KLHDC1: variants seen among roughly 807,000 people sequenced by gnomAD.
The protein encoded by KLHDC1 is kelch domain containing 1, also known as kelch domain-containing protein 1.
Under a neutral mutation model 68.3 loss-of-function variants are expected in KLHDC1, and 53 were observed. That is an observed-to-expected ratio of 0.78 (90% CI 0.62 to 0.98). KLHDC1 has a LOEUF of 0.98. Ranked by LOEUF, KLHDC1 falls within the 50% of genes least tolerant of loss-of-function variation. The pLI, the probability that KLHDC1 is intolerant of heterozygous loss-of-function variation, is 0.00. For synonymous variants in KLHDC1, 148 were observed against 159.0 expected (o/e 0.93, Z 0.52); for missense variants, 470 against 492.3 (o/e 0.95, Z 0.43).
chr14:49,735,013 TA>T (rs1323997856), intron 10 of KLHDC1, among the ~76,000 whole-genome samples: 1 of 152,086 alleles, frequency 6.6e-6, no homozygotes, highest in Non-Finnish European at 1.5e-5. Context: ...GGGTTGGCTT[TA>T]ATAGTAGTTA....
intron 4 of KLHDC1, among the ~76,000 whole-genome samples, chr14:49,717,579 C>T (rs771820956): frequency 3.9e-5 from 6 of 152,058 alleles, no homozygotes; most frequent in Admixed American, 6.6e-5. Context: ...TGTTACGTTA[C>T]GGTAGTACTT....
At position 49,719,286 on chromosome 14, in the gene KLHDC1, G is replaced by A. The variant is rs1026350522; in HGVS notation, c.405-4588G>A. Among the ~76,000 whole-genome samples the A allele has an allele frequency of 2.0e-5, 3 of 151,742 alleles. 1 individual carries two copies. Among genetic ancestry groups the A allele is most frequent in the South Asian group, 4.1e-4 (2 of 4,824 alleles). On this transcript the variant is annotated intron_variant, in intron 4 of 12. Coordinates refer to ENST00000359332, the MANE Select transcript of KLHDC1 (RefSeq NM_172193.3). ...CTGAGCCCTGCCTTCGCTGCATCTCGTAAGTTTTGTTATGTTTTTATTTTC... is the reference window on the plus strand; with the variant it reads ...CTGAGCCCTGCCTTCGCTGCATCTCATAAGTTTTGTTATGTTTTTATTTTC...
At chr14:49,693,334 C>T in intron 1 of KLHDC1, 44 bp downstream of exon 1, 1 of 1,319,914 alleles carries the variant, frequency 7.6e-7, no homozygotes, top group Non-Finnish European at 1.0e-6. Flanking sequence ...GCCGGGAGAC[C>T]CTCGGCCTGA....
At chr14:49,735,855 G>GT (rs905632768) in intron 10 of KLHDC1, among the ~76,000 whole-genome samples, 4 of 150,420 alleles carry the variant, frequency 2.7e-5, no homozygotes, top group Non-Finnish European at 4.4e-5. Context: ...TACAGTTTTG[G>GT]TTTTTTTTTA....
At chr14:49,750,040 A>G (rs1240445739) in intron 12 of KLHDC1, among the ~76,000 whole-genome samples, 1 of 152,228 alleles carries the variant, frequency 6.6e-6, no homozygotes, top group Non-Finnish European at 1.5e-5. Context: ...AGCCTGGTTA[A>G]CAGAGAAAGA....
At chr14:49,727,115 G>T (rs1211525910) in intron 6 of KLHDC1, among the ~76,000 whole-genome samples, 1 of 152,158 alleles carries the variant, frequency 6.6e-6, no homozygotes, top group Non-Finnish European at 1.5e-5. Context: ...GGGCGTGGCG[G>T]CATGCGCCTG....
intron 4 of KLHDC1, among the ~76,000 whole-genome samples, chr14:49,721,477 T>C (rs1359793898): frequency 6.6e-6 from 1 of 152,142 alleles, no homozygotes; most frequent in Non-Finnish European, 1.5e-5. Context: ...ATCTTCTGTC[T>C]GAAAGAACAG....
intron 1 of KLHDC1, among the ~76,000 whole-genome samples, chr14:49,701,489 G>A (rs1303339825): frequency 2.0e-5 from 3 of 151,648 alleles, no homozygotes; most frequent in East Asian, 2.0e-4. Flanking sequence ...GTGAAACCCC[G>A]TCTCTACTAA....
chr14:49,751,844 G>T lies in KLHDC1; in HGVS notation c.*72G>T. ...GACTATACATTTACACTCCCAAATTGCAGGCTTTATTTAAAGGATAAAATT... is the reference window on the plus strand; with the variant it reads ...GACTATACATTTACACTCCCAAATTTCAGGCTTTATTTAAAGGATAAAATT... On this transcript the variant is annotated 3_prime_UTR_variant, in exon 13 of 13. Coordinates refer to ENST00000359332, the MANE Select transcript of KLHDC1 (RefSeq NM_172193.3). 4 of 670,396 alleles carry T rather than the reference G, an allele frequency of 6.0e-6. No homozygotes were observed. 41.5% of individuals were successfully genotyped at this position (670,396 alleles called of 1,614,324 possible).
At position 49,751,626 on chromosome 14, in the gene KLHDC1, G is replaced by C. The variant is rs765439316; in HGVS notation, c.1075G>C (p.Glu359Gln). The C allele has an allele frequency of 6.9e-6, 11 of 1,585,556 alleles. No individual in the cohort carries two copies. Among genetic ancestry groups the C allele is most frequent in the Non-Finnish European group, 9.4e-6 (11 of 1,164,742 alleles). Residue 359 changes from glutamate to glutamine, a missense_variant, in exon 13 of 13, where the codon GAA becomes CAA. Physicochemically the swap from Glu to Gln is conservative, Grantham distance 29. Transcript: ENST00000359332. ...CATTGGTAAAAATTCTATCATGTTA[G>C]AAAGTCAGATATCTTTATTACCTCC... ...DCIGKNSIML[E>Q]SQISLLPPKL... is the part of the protein sequence containing the mutation.
chr14:49,698,673 G>A (rs989695590), intron 1 of KLHDC1, among the ~76,000 whole-genome samples: 1 of 151,318 alleles, frequency 6.6e-6, no homozygotes, highest in East Asian at 2.0e-4. Flanking sequence ...ATGCCACCAC[G>A]CCCAGCTAGT....
rs1566614644 is a variant in KLHDC1, at chr14:49,732,799, CA to C, written c.807del (p.Asp270IlefsTer5). 2.6e-6 allele frequency: 4 copies of C among 1,516,108 alleles called. No individual in the cohort carries two copies. In the South Asian group the frequency reaches 4.5e-5, roughly 17 times the overall value. The allele number at this position is 1,516,108 out of a possible 1,614,324, so 93.9% of individuals were successfully genotyped here. A position where few individuals can be genotyped will look rare whatever the true frequency, so the allele number is the denominator to read the frequency against. On this transcript the variant is annotated frameshift_variant, in exon 9 of 13. Coordinates refer to ENST00000359332, the MANE Select transcript of KLHDC1 (RefSeq NM_172193.3). LOFTEE classifies it high-confidence loss of function. ...CTTTTCCTATGTGGTGGACTAAGTG[CA>C]GATAATATCCCATTAAGTAAGTTGA... ...DKLFLCGGLS[A>X]DNIPLSDGWI...
intron 12 of KLHDC1, among the ~76,000 whole-genome samples, chr14:49,750,744 A>C (rs1276906001): frequency 2.0e-5 from 3 of 152,180 alleles, no homozygotes; most frequent in Non-Finnish European, 4.4e-5. Context: ...TGCTCTTCAA[A>C]ATAGCATAAG....
intron 4 of KLHDC1, among the ~76,000 whole-genome samples, chr14:49,718,238 C>T (rs558724368): frequency 6.6e-6 from 1 of 152,136 alleles, no homozygotes; most frequent in Non-Finnish European, 1.5e-5. Flanking sequence ...AGTTATCCAA[C>T]TTGTTGATAT....
At chr14:49,717,491 A>G (rs1274974108) in intron 4 of KLHDC1, among the ~76,000 whole-genome samples, 1 of 152,138 alleles carries the variant, frequency 6.6e-6, no homozygotes, top group African/African-American at 2.4e-5. Context: ...CTTATTGGAC[A>G]TTTGTACATC....
At position 49,733,430 on chromosome 14, in the gene KLHDC1, C is replaced by CT. The variant is rs763516095; in HGVS notation, c.823+629dup. On this transcript the variant is annotated intron_variant, in intron 9 of 12. Transcript: ENST00000359332. The stretch of plus-strand genomic sequence containing the variant: ...TGTTTTATGTTTTCTATTTTCTTTT[C>CT]TTTTTTTTTTTTTTTGAGATGGAGT... Among the ~76,000 whole-genome samples, 1,092 of 138,678 alleles carry CT rather than the reference C, an allele frequency of 7.9e-3. 5 individuals carry two copies. The highest frequency in any genetic ancestry group is 0.018 in the African/African-American group (688 of 38,060). 91.0% of individuals were successfully genotyped at this position (138,678 alleles called of 152,430 possible).
chr14:49,693,702 T>C (rs914325333), intron 1 of KLHDC1, among the ~76,000 whole-genome samples: 3 of 151,140 alleles, frequency 2.0e-5, no homozygotes, highest in African/African-American at 7.3e-5. Flanking sequence ...CGAAATAAAA[T>C]ATCGAAATCA....
intron 11 of KLHDC1, among the ~76,000 whole-genome samples, chr14:49,742,287 C>G (rs1725567240): frequency 6.6e-6 from 1 of 152,206 alleles, no homozygotes; most frequent in Non-Finnish European, 1.5e-5. Flanking sequence ...GGATTAGATA[C>G]ATTTTCTGTG....
chr14:49,740,300 T>TA lies in KLHDC1; in HGVS notation c.981+119dup, dbSNP rs2139765391. On this transcript the variant is annotated intron_variant, in intron 11 of 12. Coordinates refer to ENST00000359332, the MANE Select transcript of KLHDC1 (RefSeq NM_172193.3). ...GCAAAATATGAAGGGCCTGAAATGT[T>TA]ACTCTGTGGTTTAATTAATCTTCAG... 3 of 608,284 alleles carry TA rather than the reference T, an allele frequency of 4.9e-6. No individual in the cohort carries two copies. The South Asian group carries it at 6.5e-5, about 13-fold the overall frequency. 37.7% of individuals were successfully genotyped at this position (608,284 alleles called of 1,614,324 possible).
Sources: allele counts gnomAD v4.1 joint callset (sites outside exome capture counted in the v4.1 genomes callset), GRCh38; gene constraint gnomAD v4.1.1; transcripts MANE v1.5; gene names NCBI Gene and HGNC (gene_info 2026-07-23, HGNC 2026-07-21).